The following DLG2 variants were observed in gnomAD, a reference collection of about 807,000 sequenced individuals.
The protein encoded by DLG2 is disks large homolog 2.
In DLG2, 45 loss-of-function variants were observed where a neutral mutation model predicts 132.5. That is an observed-to-expected ratio of 0.34 (90% CI 0.27 to 0.44). DLG2 has a LOEUF of 0.44. DLG2 is among the 20% of genes least tolerant of loss of function. The probability of loss-of-function intolerance (pLI) is 1.00; values close to 1 mark genes in which losing one functional copy is unlikely to be tolerated. For missense variants in DLG2, 1,045 were observed against 1,196.9 expected (o/e 0.87, Z 1.87); for synonymous variants, 424 against 419.6 (o/e 1.01, Z -0.13).
chr11:84,398,304 C>A (rs1463088851), intron 7 of DLG2, among the ~76,000 whole-genome samples: 1 of 151,972 alleles, frequency 6.6e-6, no homozygotes, highest in Non-Finnish European at 1.5e-5. Context: ...AGTGCAAGAA[C>A]AAGGAGGAAA....
At chr11:84,618,388 C>T (rs992343066) in intron 6 of DLG2, among the ~76,000 whole-genome samples, 1 of 151,994 alleles carries the variant, frequency 6.6e-6, no homozygotes, top group Non-Finnish European at 1.5e-5. Flanking sequence ...TGCTATAATA[C>T]GTCAATGGTT....
intron 6 of DLG2, among the ~76,000 whole-genome samples, chr11:84,933,080 T>C (rs555693722): frequency 2.6e-5 from 4 of 152,334 alleles, no homozygotes; most frequent in Admixed American, 2.6e-4. Context: ...TGGTATCTCA[T>C]TGTGGGTTTG....
intron 7 of DLG2, among the ~76,000 whole-genome samples, chr11:84,324,241 G>A (rs1338655938): frequency 6.6e-6 from 1 of 151,884 alleles, no homozygotes; most frequent in African/African-American, 2.4e-5. Context: ...TTTGTGGGTG[G>A]TATAAGATAA....
intron 15 of DLG2, among the ~76,000 whole-genome samples, chr11:83,912,751 T>A (rs1271648828): frequency 6.6e-6 from 1 of 152,116 alleles, no homozygotes; most frequent in Non-Finnish European, 1.5e-5. Flanking sequence ...GCAAAGTTCT[T>A]CTTTTCTTTC....
chr11:85,023,913 G>A (rs953320747), intron 6 of DLG2, among the ~76,000 whole-genome samples: 4 of 152,028 alleles, frequency 2.6e-5, no homozygotes, highest in Admixed American at 6.6e-5. Context: ...GTTTAGATTG[G>A]TAAACAAATA....
Position 83,953,894 on chromosome 11 carries a change from C to T in DLG2, c.1340+8991G>A, listed in dbSNP as rs573045271. ...TCTACAGCGGTCCCTCCAAAATTCT[C>T]CATTGCCTATCATCAATCCTTTTTT... On this transcript the variant is annotated intron_variant, in intron 14 of 27. Coordinates refer to ENST00000376104, the MANE Select transcript of DLG2 (RefSeq NM_001142699.3). 2.6e-5 allele frequency among the ~76,000 whole-genome samples: 4 copies of T among 152,300 alleles called. No homozygotes were observed. The East Asian group carries it at 7.7e-4, about 29-fold the overall frequency.
chr11:85,134,358 T>C (rs2075988327), intron 5 of DLG2, among the ~76,000 whole-genome samples: 1 of 148,472 alleles, frequency 6.7e-6, no homozygotes, highest in South Asian at 2.1e-4. Flanking sequence ...TGAAACCCCG[T>C]CTCTACTAAA....
rs533929294 is a variant in DLG2, at chr11:83,477,026, G to A, written c.2294-4249C>T. 2.0e-5 allele frequency among the ~76,000 whole-genome samples: 3 copies of A among 152,204 alleles called. No homozygotes were observed. In the South Asian group the frequency reaches 6.2e-4, roughly 32 times the overall value. On this transcript the variant is annotated intron_variant, in intron 22 of 27. Transcript: ENST00000376104. ...TGGGTCTCCTGATCTCAACACGTTA[G>A]TTTCACTCAGATTAGTTCTTCAAGA...
At chr11:84,648,069 T>C (rs2099677065) in intron 6 of DLG2, among the ~76,000 whole-genome samples, 1 of 152,158 alleles carries the variant, frequency 6.6e-6, no homozygotes, top group Non-Finnish European at 1.5e-5. Context: ...GTAACATAGC[T>C]AGTAAAAACA....
At chr11:85,466,290 G>A (rs1371767141) in intron 3 of DLG2, among the ~76,000 whole-genome samples, 2 of 152,116 alleles carry the variant, frequency 1.3e-5, no homozygotes, top group Non-Finnish European at 2.9e-5. Context: ...AGTTTCTTTT[G>A]CTGTGCAGAA....
At chr11:83,773,415 C>G (rs1428795839) in intron 18 of DLG2, among the ~76,000 whole-genome samples, 1 of 152,168 alleles carries the variant, frequency 6.6e-6, no homozygotes, top group African/African-American at 2.4e-5. Flanking sequence ...GTTTCCAAGA[C>G]TCTATTTTCA....
chr11:84,800,836 G>A lies in DLG2; in HGVS notation c.358-266105C>T, dbSNP rs1051730804. The A allele has an allele frequency of 2.6e-5, 4 of 152,036 alleles. No individual in the cohort carries two copies. In the South Asian group the frequency reaches 6.2e-4, roughly 24 times the overall value. The allele number at this position is 152,036 out of a possible 1,614,324, so 9.4% of individuals were successfully genotyped here. A position where few individuals can be genotyped will look rare whatever the true frequency, so the allele number is the denominator to read the frequency against. ...GAATATTTTTTAAAGTTATTTTTAC[G>A]AGTCTACAGTTTTACAAGTTTAATG... On this transcript the variant is annotated intron_variant, in intron 6 of 27. Transcript: ENST00000376104.
intron 18 of DLG2, among the ~76,000 whole-genome samples, chr11:83,683,940 T>C (rs2153603345): frequency 6.6e-6 from 1 of 152,230 alleles, no homozygotes; most frequent in South Asian, 2.1e-4. Context: ...AGCTTCTCTC[T>C]GCTTTACTTC....
rs1013927486 is a variant in DLG2 at position 84,743,751 on chromosome 11, C to T, written c.358-209020G>A. Reference sequence around the variant, plus strand: ...ACTGAAGGAAAGAGAATTTTCTTTTCTTTTTTTTTTTGAGACAGGCTGGAG... The same window carrying T: ...ACTGAAGGAAAGAGAATTTTCTTTTTTTTTTTTTTTTGAGACAGGCTGGAG... On this transcript the variant is annotated intron_variant, in intron 6 of 27. Coordinates refer to ENST00000376104, the MANE Select transcript of DLG2 (RefSeq NM_001142699.3). Among the ~76,000 whole-genome samples the T allele has an allele frequency of 1.8e-3, 271 of 148,436 alleles. 3 individuals carry two copies. The highest frequency in any genetic ancestry group is 6.3e-3 in the African/African-American group (257 of 40,904).
chr11:83,460,780 A>G (rs2089765921), intron 27 of DLG2, among the ~76,000 whole-genome samples: 1 of 152,210 alleles, frequency 6.6e-6, no homozygotes, highest in Non-Finnish European at 1.5e-5. Flanking sequence ...TACAAAATAT[A>G]AACCACTGTC....
intron 3 of DLG2, among the ~76,000 whole-genome samples, chr11:85,395,916 C>T (rs60752901): frequency 6.6e-6 from 1 of 152,210 alleles, no homozygotes; most frequent in African/African-American, 2.4e-5. Flanking sequence ...ACCAGTGGTT[C>T]TCTCAGCATG....
At chr11:83,974,216 G>A (rs749854652) in intron 12 of DLG2, among the ~76,000 whole-genome samples, 2 of 151,868 alleles carry the variant, frequency 1.3e-5, no homozygotes, top group Non-Finnish European at 2.9e-5. Context: ...CTACATATTC[G>A]CAATGTCTTC....
intron 6 of DLG2, among the ~76,000 whole-genome samples, chr11:84,579,597 T>C (rs7107450): frequency 0.33 from 50,331 of 151,972 alleles, 8,884 homozygotes; most frequent in African/African-American, 0.43. Flanking sequence ...TGCTATAATA[T>C]GGTAAGAATA....
At chr11:85,137,806 C>T (rs2076222894) in intron 5 of DLG2, among the ~76,000 whole-genome samples, 1 of 152,126 alleles carries the variant, frequency 6.6e-6, no homozygotes, top group Admixed American at 6.6e-5. Context: ...ATCTGCAAAG[C>T]TTGTTAGCTT....
Sources: gnomAD v4.1 joint callset for allele counts (sites outside exome capture counted in the v4.1 genomes callset) on GRCh38, gnomAD v4.1.1 for gene constraint, MANE v1.5 for transcripts, NCBI Gene and HGNC (gene_info 2026-07-23, HGNC 2026-07-21) for gene names.